DDX55: variants seen among roughly 807,000 people sequenced by gnomAD.
DDX55 encodes the protein DEAD-box helicase 55, also known as ATP-dependent RNA helicase DDX55.
Under a neutral mutation model 69.2 loss-of-function variants are expected in DDX55, and 56 were observed. The ratio of observed to expected loss-of-function variants is 0.81; its 90% CI spans 0.65 to 1.01. DDX55 has a LOEUF of 1.01. DDX55 is among the 50% of genes least tolerant of loss of function. The probability of loss-of-function intolerance (pLI) is 0.00; values close to 1 mark genes in which losing one functional copy is unlikely to be tolerated. For missense variants in DDX55, 720 were observed against 745.1 expected (o/e 0.97, Z 0.39); for synonymous variants, 268 against 273.1 (o/e 0.98, Z 0.18).
intron 10 of DDX55, chr12:123,616,918 G>A (rs1954714263): frequency 3.4e-6 from 1 of 298,276 alleles, no homozygotes; most frequent in Non-Finnish European, 6.5e-6. Context: ...CTTTGGGGAG[G>A]CCGAGGCAGG....
chr12:123,617,751 C>T lies in DDX55; in HGVS notation c.1050-7C>T. ...TGGGTACCCATTTCCACCCTGTGTT[C>T]TCACAGTGCCTTCGTGCATCGCTGC... is the stretch of plus-strand genomic sequence containing the variant. On this transcript the variant is annotated splice_region_variant and splice_polypyrimidine_tract_variant and intron_variant, in intron 10 of 13. Coordinates refer to ENST00000238146, the MANE Select transcript of DDX55 (RefSeq NM_020936.3). The T allele has an allele frequency of 1.2e-6, 2 of 1,607,316 alleles. No homozygotes were observed. Among genetic ancestry groups the T allele is most frequent in the East Asian group, 4.5e-5 (2 of 44,764 alleles).
chr12:123,607,767 C>T, intron 5 of DDX55, 105 bp downstream of exon 5: 3 of 1,504,764 alleles, frequency 2.0e-6, no homozygotes, highest in South Asian at 2.3e-5. Flanking sequence ...TCAGCAGCCT[C>T]CTCCCCCTGC....
rs78353231 is a variant in DDX55 at position 123,620,095 on chromosome 12, C to A, written c.1758C>A (p.Ile586=). ...TGTTGACAACTGGCAAAAGAACAAT[C>A]AAGACAGTGGATTTAGGGATCTCAG... is the stretch of plus-strand genomic sequence containing the variant. The part of the protein sequence containing the change: ...KGLLTTGKRT[I]KTVDLGISDL... Residue 586 remains isoleucine, a synonymous_variant, in exon 14 of 14, where the codon ATC becomes ATA. Transcript: ENST00000238146. The A allele has an allele frequency of 3.7e-6, 6 of 1,613,936 alleles. No individual in the cohort carries two copies. The highest frequency in any genetic ancestry group is 4.2e-6 in the Non-Finnish European group (5 of 1,179,998).
chr12:123,615,133 T>G, intron 8 of DDX55, 52 bp from the exon 9 acceptor site: 1 of 1,608,896 alleles, frequency 6.2e-7, no homozygotes, highest in Non-Finnish European at 8.5e-7. Flanking sequence ...CTCTCCCGGT[T>G]GTAGAAGGAC....
rs1250179285 is a variant in DDX55 at position 123,605,998 on chromosome 12, T to C, written c.159+17T>C. 6.2e-7 allele frequency: 1 copy of C among 1,614,146 alleles called. No homozygotes were observed. The highest frequency in any genetic ancestry group is 1.1e-5 in the South Asian group (1 of 91,080). The stretch of plus-strand genomic sequence containing the variant: ...GCAGAAGCGGTGAGTGCCTCGGGTA[T>C]GTGCAGCCTGTCCTCGTGTTCTCCC... On this transcript the variant is annotated intron_variant, in intron 2 of 13. Transcript: ENST00000238146.
At chr12:123,619,825 G>T in intron 13 of DDX55, 101 bp downstream of exon 13, 1 of 1,517,462 alleles carries the variant, frequency 6.6e-7, no homozygotes, top group Non-Finnish European at 8.7e-7. Context: ...TTTCTGTTAC[G>T]TTGGCGACCA....
intron 9 of DDX55, among the ~76,000 whole-genome samples, chr12:123,616,036 G>T (rs1954638600): frequency 6.6e-6 from 1 of 152,142 alleles, no homozygotes; most frequent in Non-Finnish European, 1.5e-5. Flanking sequence ...GGCTTATTAG[G>T]CTTGTGACTA....
intron 10 of DDX55, 87 bp downstream of exon 10, chr12:123,616,690 G>A (rs1954695961): frequency 1.5e-6 from 2 of 1,377,374 alleles, no homozygotes; most frequent in East Asian, 2.3e-5. Context: ...AGATAATGAT[G>A]TTCACTGAAA....
intron 5 of DDX55, 36 bp from the exon 6 acceptor site, chr12:123,608,644 C>T (rs1050408614): frequency 6.2e-7 from 1 of 1,606,204 alleles, no homozygotes; most frequent in African/African-American, 1.3e-5. Flanking sequence ...TCCCAAGATC[C>T]AGAGAGTTTG....
In DDX55 at chr12:123,602,135, C is replaced by G. The variant is rs1455189050; in HGVS notation, c.-14C>G. The G allele has an allele frequency of 6.5e-7, 1 of 1,541,084 alleles. No individual in the cohort carries two copies. The highest frequency in any genetic ancestry group is 8.7e-7 in the Non-Finnish European group (1 of 1,143,844). Reference sequence around the variant, plus strand: ...GTTCGAGCAGCGGCGACCGACGCGGCGAAGGAGCGCGCCATGGAGCATGTG... The same window carrying G: ...GTTCGAGCAGCGGCGACCGACGCGGGGAAGGAGCGCGCCATGGAGCATGTG... On this transcript the variant is annotated 5_prime_UTR_variant, in exon 1 of 14. Coordinates refer to ENST00000238146, the MANE Select transcript of DDX55 (RefSeq NM_020936.3).
intron 1 of DDX55, among the ~76,000 whole-genome samples, chr12:123,604,015 C>G (rs1953736518): frequency 6.6e-6 from 1 of 150,740 alleles, no homozygotes. Context: ...GTTGGCCAGA[C>G]TGGTCTTGAA....
chr12:123,602,274 T>C lies in DDX55; in HGVS notation c.108+18T>C, dbSNP rs1230541824. The C allele has an allele frequency of 6.5e-7, 1 of 1,538,860 alleles. No individual in the cohort carries two copies. Among genetic ancestry groups the C allele is most frequent in the Non-Finnish European group, 8.7e-7 (1 of 1,144,304 alleles). The stretch of plus-strand genomic sequence containing the variant: ...CGGTGCAGGTATCGGTTCCCTGGCG[T>C]GGGGGAGTGAGGCTGGGAGAGGGGC... On this transcript the variant is annotated intron_variant, in intron 1 of 13. Coordinates refer to ENST00000238146, the MANE Select transcript of DDX55 (RefSeq NM_020936.3).
chr12:123,616,129 T>A (rs1256073562), intron 9 of DDX55, among the ~76,000 whole-genome samples: 1 of 152,228 alleles, frequency 6.6e-6, no homozygotes, highest in Non-Finnish European at 1.5e-5. Flanking sequence ...TTTTTCTTAA[T>A]CATTGAACAT....
rs763808500 is a variant in DDX55, at chr12:123,616,622, AC to A, written c.1049+22del. 22 of 1,609,580 alleles carry A rather than the reference AC, an allele frequency of 1.4e-5. No individual in the cohort carries two copies. The South Asian group carries it at 2.4e-4, about 18-fold the overall frequency. On this transcript the variant is annotated intron_variant, in intron 10 of 13. Transcript: ENST00000238146. ...ATGCAAGGTATGGTACGAGGCTGCC[AC>A]CCACTCTCTGTTGAGGAATTTAGCC...
At chr12:123,618,608 G>T in intron 11 of DDX55, 61 bp from the exon 12 acceptor site, 1 of 1,578,630 alleles carries the variant, frequency 6.3e-7, no homozygotes, top group Non-Finnish European at 8.6e-7. Context: ...TTGTGATGGG[G>T]AGCCCTGGGG....
rs116713171 is a variant in DDX55 at position 123,610,134 on chromosome 12, C to T, written c.741+6C>T. ...GCCTGGAAAACTACTACATGGTAAG[C>T]GCCTGGGCTTGCTTCTTACTCAGCG... On this transcript the variant is annotated splice_donor_region_variant and intron_variant, in intron 7 of 13. Coordinates refer to ENST00000238146, the MANE Select transcript of DDX55 (RefSeq NM_020936.3). The T allele has an allele frequency of 2.1e-3, 3,372 of 1,609,394 alleles. 73 individuals carry two copies. The African/African-American group carries it at 0.038, about 18-fold the overall frequency.
At chr12:123,614,145 G>A (rs1242741408) in intron 8 of DDX55, among the ~76,000 whole-genome samples, 1 of 152,146 alleles carries the variant, frequency 6.6e-6, no homozygotes, top group East Asian at 1.9e-4. Context: ...ACTGCACCCT[G>A]CTAGGTGGGA....
At position 123,602,224 on chromosome 12, in the gene DDX55, G is replaced by C. The variant is rs1244872472; in HGVS notation, c.76G>C (p.Glu26Gln). 1.9e-6 allele frequency: 3 copies of C among 1,570,850 alleles called. No individual in the cohort carries two copies. The highest frequency in any genetic ancestry group is 2.6e-6 in the Non-Finnish European group (3 of 1,160,586). Residue 26 changes from glutamate to glutamine, a missense_variant, in exon 1 of 14, where the codon GAG becomes CAG. Physicochemically the swap from Glu to Gln is conservative, Grantham distance 29 (BLOSUM62 2). Coordinates refer to ENST00000238146, the MANE Select transcript of DDX55 (RefSeq NM_020936.3). Reference protein sequence around the residue: ...LHPQVLGALRELGFPYMTPVQ... With the variant: ...LHPQVLGALRQLGFPYMTPVQ... ...CCCGCAGGTGCTGGGCGCGCTGCGG[G>C]AGCTGGGCTTCCCGTACATGACGCC...
chr12:123,615,489 T>C (rs562840318), intron 9 of DDX55, among the ~76,000 whole-genome samples, 173 bp downstream of exon 9: 1 of 152,314 alleles, frequency 6.6e-6, no homozygotes, highest in South Asian at 2.1e-4. Flanking sequence ...CGAGCCTCCA[T>C]TGCCCTGTTC....
Sources: allele counts gnomAD v4.1 joint callset (sites outside exome capture counted in the v4.1 genomes callset), GRCh38; gene constraint gnomAD v4.1.1; transcripts MANE v1.5; gene names NCBI Gene and HGNC (gene_info 2026-07-23, HGNC 2026-07-21).